Variants in TMEM131 observed in about 807,000 individuals in gnomAD.
TMEM131 encodes the protein transmembrane protein 131.
In TMEM131, 66 loss-of-function variants were observed where a neutral mutation model predicts 211.6. That is an observed-to-expected ratio of 0.31 (90% confidence interval 0.26 to 0.38). The LOEUF (loss-of-function observed/expected upper bound fraction) is 0.38, where lower values mean the gene tolerates loss of function less well. Ranked by LOEUF, TMEM131 falls within the 10% of genes least tolerant of loss-of-function variation. The pLI, the probability that TMEM131 is intolerant of heterozygous loss-of-function variation, is 1.00. For synonymous variants in TMEM131, 844 were observed against 841.3 expected (o/e 1.00, Z -0.06); for missense variants, 2,036 against 2,299.3 (o/e 0.89, Z 2.34).
intron 5 of TMEM131, among the ~76,000 whole-genome samples, chr2:97,853,091 G>C (rs1317638450): frequency 6.6e-6 from 1 of 152,210 alleles, no homozygotes; most frequent in African/African-American, 2.4e-5. Context: ...TGATGAAAAT[G>C]TACAAGAAGA....
intron 31 of TMEM131, among the ~76,000 whole-genome samples, chr2:97,786,586 G>T (rs978261697): frequency 6.6e-6 from 1 of 152,116 alleles, no homozygotes; most frequent in Non-Finnish European, 1.5e-5. Flanking sequence ...CTGACTGTGG[G>T]GTACCTTGGG....
intron 4 of TMEM131, among the ~76,000 whole-genome samples, chr2:97,883,833 T>A (rs1439415501): frequency 6.6e-6 from 1 of 152,230 alleles, no homozygotes; most frequent in Non-Finnish European, 1.5e-5. Flanking sequence ...ATAAAAATGG[T>A]ATATTGAGAT....
At chr2:97,826,616 GAGA>G (rs1404022218) in intron 11 of TMEM131, among the ~76,000 whole-genome samples, 1 of 132,564 alleles carries the variant, frequency 7.5e-6, no homozygotes, top group Non-Finnish European at 1.8e-5. Flanking sequence ...GGAAGTCAGA[GAGA>G]AAGAGAAACA....
intron 19 of TMEM131, among the ~76,000 whole-genome samples, chr2:97,807,983 T>C (rs1339591423): frequency 1.3e-5 from 2 of 152,198 alleles, no homozygotes; most frequent in Non-Finnish European, 2.9e-5. Flanking sequence ...AAGGGTTGAG[T>C]ATCCCTTATT....
In TMEM131 at chr2:97,962,274, C is replaced by T. The variant is rs367643112; in HGVS notation, c.187+33202G>A. On this transcript the variant is annotated intron_variant, in intron 1 of 40. Coordinates refer to ENST00000186436, the MANE Select transcript of TMEM131 (RefSeq NM_015348.2). ...ATCCCAGCACTTTGGGAGGCCGAGG[C>T]AGGTGGATCACAAGGTCAGGAGATT... Among the ~76,000 whole-genome samples the T allele has an allele frequency of 3.3e-5, 5 of 152,280 alleles. No homozygotes were observed. The East Asian group carries it at 5.8e-4, about 18-fold the overall frequency.
intron 4 of TMEM131, among the ~76,000 whole-genome samples, chr2:97,881,156 T>C (rs911898583): frequency 6.6e-6 from 1 of 152,170 alleles, no homozygotes; most frequent in Non-Finnish European, 1.5e-5. Flanking sequence ...AACCCCTCAC[T>C]GATTGCAAGA....
Position 97,796,934 on chromosome 2 carries a change from C to T in TMEM131, c.2923G>A (p.Glu975Lys). Residue 975 changes from glutamate to lysine, a missense_variant, in exon 27 of 41, where the codon GAG (glutamate) becomes AAG (lysine). Glu to Lys is a moderately conservative substitution (Grantham distance 56). Transcript: ENST00000186436. ...AVMVQGQGTTENLRVAGKLPG... is the reference protein window; with the variant it reads ...AVMVQGQGTTKNLRVAGKLPG... ...AGCTTGCCTGCCACCCTCAAGTTCT[C>T]AGTTGTTCCTTGTCCTTGGACCATC... 6.2e-7 allele frequency: 1 copy of T among 1,613,978 alleles called. No individual in the cohort carries two copies. Among genetic ancestry groups the T allele is most frequent in the Non-Finnish European group, 8.5e-7 (1 of 1,179,874 alleles).
intron 1 of TMEM131, among the ~76,000 whole-genome samples, chr2:97,943,071 AAGAAAGAAAGAAAGAAAGAAAG>A (rs1362343065): frequency 7.0e-6 from 1 of 142,020 alleles, no homozygotes; most frequent in Admixed American, 7.0e-5. Context: ...GAAAGAAAGA[AAGAAAGAAAGAAAGAAAGAAAG>A]AAAGAAAGAG....
At chr2:97,849,843 GAACA>G (rs1673532288) in intron 5 of TMEM131, among the ~76,000 whole-genome samples, 1 of 149,708 alleles carries the variant, frequency 6.7e-6, no homozygotes, top group African/African-American at 2.5e-5. Context: ...CCTGGGGCAA[GAACA>G]AATAATTGAA....
chr2:97,899,966 C>T (rs754589045), intron 3 of TMEM131, among the ~76,000 whole-genome samples: 1 of 151,982 alleles, frequency 6.6e-6, no homozygotes, highest in African/African-American at 2.4e-5. Context: ...AGGTGACATA[C>T]CAATAAATCC....
rs1287462744 is a variant in TMEM131 at position 97,838,420 on chromosome 2, CTTAAACTTTTTTTTTTTTTTTTTT to C, written c.724-1287_724-1264del. On this transcript the variant is annotated intron_variant, in intron 7 of 40. Coordinates refer to ENST00000186436, the MANE Select transcript of TMEM131 (RefSeq NM_015348.2). ...AGCAAGAAAAATGGCAATTCTTAAG[CTTAAACTTTTTTTTTTTTTTTTTT>C]TTTTTTTTTTTTTTTTTTGAGACGG... 9.6e-4 allele frequency among the ~76,000 whole-genome samples: 129 copies of C among 134,378 alleles called. 2 individuals are homozygous for C. Among genetic ancestry groups the C allele is most frequent in the African/African-American group, 3.7e-3 (128 of 34,800 alleles). 88.2% of individuals were successfully genotyped at this position (134,378 alleles called of 152,430 possible).
rs149193877 is a variant in TMEM131 at position 97,831,451 on chromosome 2, A to G, written c.1074+1914T>C. ...ATTGAATGGGTGAATGAAGGCGGGA[A>G]TAAGAGAAAACTACCAAAACACTGG... is the stretch of plus-strand genomic sequence containing the variant. On this transcript the variant is annotated intron_variant, in intron 11 of 40. Transcript: ENST00000186436. Among the ~76,000 whole-genome samples, 641 of 152,242 alleles carry G rather than the reference A, an allele frequency of 4.2e-3. 3 individuals carry two copies. The highest frequency in any genetic ancestry group is 0.015 in the African/African-American group (609 of 41,536).
At chr2:97,992,370 T>C (rs982200686) in intron 1 of TMEM131, among the ~76,000 whole-genome samples, 3 of 152,170 alleles carry the variant, frequency 2.0e-5, no homozygotes, top group Admixed American at 6.5e-5. Context: ...AAATACAGCT[T>C]AAAACAAAAA....
At chr2:97,875,928 G>A (rs1674675483) in intron 4 of TMEM131, among the ~76,000 whole-genome samples, 1 of 152,106 alleles carries the variant, frequency 6.6e-6, no homozygotes, top group Non-Finnish European at 1.5e-5. Context: ...ATGAATCCAG[G>A]AGCTGTGTTT....
intron 3 of TMEM131, among the ~76,000 whole-genome samples, chr2:97,890,591 G>A (rs1464368128): frequency 6.6e-6 from 1 of 152,084 alleles, no homozygotes; most frequent in Non-Finnish European, 1.5e-5. Context: ...AACTATACAT[G>A]GATACTGTTC....
Position 97,802,671 on chromosome 2 carries a change from G to C in TMEM131, c.2522C>G (p.Thr841Ser), listed in dbSNP as rs1681089764. The C allele has an allele frequency of 6.2e-7, 1 of 1,612,200 alleles. No individual in the cohort carries two copies. Among genetic ancestry groups the C allele is most frequent in the African/African-American group, 1.3e-5 (1 of 74,980 alleles). Residue 841 changes from threonine to serine, a missense_variant, in exon 23 of 41, where the codon ACT becomes AGT. By Grantham distance (58) the Thr-to-Ser change is moderately conservative. Around this residue, in one of 3 missense-constraint regions of TMEM131, gnomAD observed 1,623 missense variants for 1,805.9 expected, o/e 0.90. Coordinates refer to ENST00000186436, the MANE Select transcript of TMEM131 (RefSeq NM_015348.2). ...ACTTACTGAGGAGCAGTTTGTATTA[G>C]TAAGTGGAAATTTCAAGTGCCGGGG... is the stretch of plus-strand genomic sequence containing the variant. The part of the protein sequence containing the change: ...SSPRHLKFPL[T>S]NTNCSSEEEI...
chr2:97,891,255 T>C (rs562899819), intron 3 of TMEM131, among the ~76,000 whole-genome samples: 2 of 152,316 alleles, frequency 1.3e-5, no homozygotes, highest in South Asian at 4.1e-4. Flanking sequence ...CCCTGATTTT[T>C]AAAATTATTA....
chr2:97,935,679 T>C (rs1225358842), intron 1 of TMEM131, among the ~76,000 whole-genome samples: 2 of 152,096 alleles, frequency 1.3e-5, no homozygotes, highest in Non-Finnish European at 2.9e-5. Flanking sequence ...GCAACAGAGG[T>C]ACTGTCAGTG....
chr2:97,810,735 C>T (rs1681509898), intron 18 of TMEM131, among the ~76,000 whole-genome samples: 1 of 152,176 alleles, frequency 6.6e-6, no homozygotes, highest in Non-Finnish European at 1.5e-5. Context: ...GACATGATCT[C>T]CTGATTTTAT....
Sources: gnomAD v4.1 joint callset for allele counts (sites outside exome capture counted in the v4.1 genomes callset) on GRCh38, gnomAD v4.1.1 for gene constraint, gnomAD v4.1.1 regional missense constraint, MANE v1.5 for transcripts, NCBI Gene and HGNC (gene_info 2026-07-23, HGNC 2026-07-21) for gene names.